Variants in CSNK1G1 observed in about 807,000 individuals in gnomAD.
The protein encoded by CSNK1G1 is casein kinase 1 gamma 1, also known as casein kinase I isoform gamma-1.
CSNK1G1 carries 22 observed loss-of-function variants against 59.6 expected under a neutral mutation model. The ratio of observed to expected loss-of-function variants is 0.37; its 90% CI spans 0.26 to 0.53. The LOEUF is 0.53. CSNK1G1 is among the 20% of genes least tolerant of loss of function. The pLI is 0.89. For synonymous variants in CSNK1G1, 179 were observed against 177.1 expected, an observed-to-expected ratio of 1.01 and a Z score of -0.08; for missense variants, 384 against 519.5, an observed-to-expected ratio of 0.74 and a Z score of 2.54.
intron 1 of CSNK1G1, among the ~76,000 whole-genome samples, chr15:64,348,865 C>T (rs1258978988): frequency 6.6e-6 from 1 of 152,148 alleles, no homozygotes; most frequent in African/African-American, 2.4e-5. Flanking sequence ...GGCGCGGTGG[C>T]TCACACCTGT....
rs1455031358 is a variant in CSNK1G1 at position 64,200,632 on chromosome 15, C to T, written c.1107+2450G>A. Among the ~76,000 whole-genome samples the T allele has an allele frequency of 6.6e-6, 1 of 152,222 alleles. No individual in the cohort carries two copies. Among genetic ancestry groups the T allele is most frequent in the Admixed American group, 6.5e-5 (1 of 15,292 alleles). On this transcript the variant is annotated intron_variant, in intron 10 of 11. Transcript: ENST00000303052. This position sits in a 1 kb window ranked among gnomAD's most constrained non-coding sequence, Gnocchi z 4.3. ...AAGTGCTGGGATTACAGGCGTGAGC[C>T]ACTGCGCCTGGCCGCATTATAGAGT...
chr15:64,225,162 C>T (rs1415097203), intron 4 of CSNK1G1, among the ~76,000 whole-genome samples: 1 of 151,870 alleles, frequency 6.6e-6, no homozygotes, highest in African/African-American at 2.4e-5. Flanking sequence ...GCATGCACCA[C>T]CATGCCTGGC....
intron 1 of CSNK1G1, among the ~76,000 whole-genome samples, chr15:64,315,326 CG>C (rs1197189596): frequency 6.6e-6 from 1 of 152,072 alleles, no homozygotes; most frequent in African/African-American, 2.4e-5. Flanking sequence ...CCAGCAACGC[CG>C]GGGATTACAA....
rs1165768581 is a variant in CSNK1G1 at position 64,352,447 on chromosome 15, C to CTTTTTTTTTTTTTTTT, written c.-225+3525_-225+3540dup. On this transcript the variant is annotated intron_variant, in intron 1 of 11. Coordinates refer to ENST00000303052, the MANE Select transcript of CSNK1G1 (RefSeq NM_022048.5). The stretch of plus-strand genomic sequence containing the variant: ...ATCACAAAACATAATTTGAATTCTT[C>CTTTTTTTTTTTTTTTT]TTTTTTTTTTTTTTTTTTTGAGATG... 5.5e-4 allele frequency among the ~76,000 whole-genome samples: 49 copies of CTTTTTTTTTTTTTTTT among 89,408 alleles called. 2 individuals carry two copies. Among genetic ancestry groups the CTTTTTTTTTTTTTTTT allele is most frequent in the African/African-American group, 1.9e-3 (44 of 22,716 alleles). 58.7% of individuals were successfully genotyped at this position (89,408 alleles called of 152,430 possible).
chr15:64,234,391 G>C (rs1354175854), intron 4 of CSNK1G1, among the ~76,000 whole-genome samples: 2 of 152,184 alleles, frequency 1.3e-5, no homozygotes, highest in Non-Finnish European at 2.9e-5. Flanking sequence ...ATAAAAGTTA[G>C]GCAGATGTTG....
chr15:64,184,394 C>T (rs114600873), intron 10 of CSNK1G1, among the ~76,000 whole-genome samples: 2,452 of 151,722 alleles, frequency 0.016, 77 homozygotes, highest in African/African-American at 0.056. Flanking sequence ...GCTTTATTTG[C>T]GGCCAGGCAC....
chr15:64,319,545 ATTTGT>A (rs1264347177), intron 1 of CSNK1G1, among the ~76,000 whole-genome samples: 1 of 151,636 alleles, frequency 6.6e-6, no homozygotes, highest in Non-Finnish European at 1.5e-5. Flanking sequence ...AGTTCGTTGA[ATTTGT>A]TTTGTTTTGT....
At chr15:64,278,425 TATA>T (rs1238494412) in intron 2 of CSNK1G1, among the ~76,000 whole-genome samples, 1,819 of 136,370 alleles carry the variant, frequency 0.013, 63 homozygotes, top group African/African-American at 0.05. Context: ...TGTGTATATA[TATA>T]TATATTTTTT....
At position 64,172,028 on chromosome 15, in the gene CSNK1G1, A is replaced by T. The variant is rs1325545786; in HGVS notation, c.1215-43T>A. The T allele has an allele frequency of 4.5e-6, 7 of 1,564,702 alleles. No homozygotes were observed. In the Admixed American group the frequency reaches 1.0e-4, roughly 22 times the overall value. ...TTGCAAGTCAGTGCGGGAGGCCTGC[A>T]GCTTCCAGCAGACTTCTGCCTGCTT... On this transcript the variant is annotated intron_variant, in intron 11 of 11. Transcript: ENST00000303052.
intron 3 of CSNK1G1, 163 bp downstream of exon 3, chr15:64,259,038 A>G: frequency 1.7e-6 from 1 of 579,296 alleles, no homozygotes; most frequent in Non-Finnish European, 3.0e-6. Context: ...ACAGTGATTC[A>G]TCACTGTTAA....
chr15:64,169,735 G>C lies in CSNK1G1; in HGVS notation c.*2196C>G, dbSNP rs577243651. On this transcript the variant is annotated 3_prime_UTR_variant, in exon 12 of 12. Transcript: ENST00000303052. Reference sequence around the variant, plus strand: ...CCTTGTGGGGAAGGGGTGTGATATTGTATCTCCCTGCCACTTTATGTTTCA... The same window carrying C: ...CCTTGTGGGGAAGGGGTGTGATATTCTATCTCCCTGCCACTTTATGTTTCA... The C allele has an allele frequency of 6.6e-6, 1 of 152,262 alleles. No individual in the cohort carries two copies. The highest frequency in any genetic ancestry group is 1.9e-4 in the East Asian group (1 of 5,184). The allele number at this position is 152,262 out of a possible 1,614,324, so 9.4% of individuals were successfully genotyped here.
At chr15:64,291,454 G>C (rs577058295) in intron 2 of CSNK1G1, among the ~76,000 whole-genome samples, 1 of 152,232 alleles carries the variant, frequency 6.6e-6, no homozygotes, top group Admixed American at 6.5e-5. Flanking sequence ...TGGGTGTGGT[G>C]GTGGGCACCT....
intron 3 of CSNK1G1, among the ~76,000 whole-genome samples, chr15:64,254,768 G>T (rs1016901030): frequency 2.0e-5 from 3 of 152,128 alleles, no homozygotes; most frequent in African/African-American, 7.2e-5. Flanking sequence ...GAATTCTGTT[G>T]ACAGTGTGCA....
intron 1 of CSNK1G1, among the ~76,000 whole-genome samples, chr15:64,324,120 TCCTGACTCAAAAGCCCCTGAC>T (rs2140444594): frequency 6.6e-6 from 1 of 152,312 alleles, no homozygotes; most frequent in African/African-American, 2.4e-5. Flanking sequence ...ATACTTGACA[TCCTGACTCAAAAGCCCCTGAC>T]TTACACTACT....
intron 4 of CSNK1G1, among the ~76,000 whole-genome samples, chr15:64,243,368 A>G (rs775495947): frequency 1.5e-4 from 23 of 152,052 alleles, no homozygotes; most frequent in Admixed American, 5.2e-4. Context: ...AACAAAAAAA[A>G]CCCTCAACAA....
At chr15:64,266,589 G>A (rs1223537292) in intron 2 of CSNK1G1, among the ~76,000 whole-genome samples, 1 of 151,980 alleles carries the variant, frequency 6.6e-6, no homozygotes, top group Non-Finnish European at 1.5e-5. Flanking sequence ...AAAGAACAAA[G>A]CCAAAAGAAT....
intron 1 of CSNK1G1, among the ~76,000 whole-genome samples, chr15:64,329,556 C>A (rs1401341895): frequency 2.1e-4 from 28 of 134,974 alleles, no homozygotes; most frequent in Non-Finnish European, 2.7e-4. Flanking sequence ...GCACTAAATG[C>A]CCACAAGAGA....
intron 2 of CSNK1G1, among the ~76,000 whole-genome samples, chr15:64,289,280 C>G (rs1238053400): frequency 6.6e-6 from 1 of 152,002 alleles, no homozygotes; most frequent in Non-Finnish European, 1.5e-5. Flanking sequence ...CATAATCTTG[C>G]AAGTATTGTA....
At chr15:64,309,152 T>C (rs986125424) in intron 1 of CSNK1G1, among the ~76,000 whole-genome samples, 10 of 152,174 alleles carry the variant, frequency 6.6e-5, no homozygotes, top group African/African-American at 1.9e-4. Context: ...GCCCCTCTTA[T>C]GTAGTCCTTT....
Sources: allele counts gnomAD v4.1 joint callset (sites outside exome capture counted in the v4.1 genomes callset), GRCh38; gene constraint gnomAD v4.1.1; non-coding constraint Gnocchi (gnomAD v3.1); transcripts MANE v1.5; gene names NCBI Gene and HGNC (gene_info 2026-07-23, HGNC 2026-07-21).